The following BEX3 variants were observed in gnomAD, a reference collection of about 807,000 sequenced individuals.
The protein encoded by BEX3 is protein BEX3.
Under a neutral mutation model 6.1 loss-of-function variants are expected in BEX3, and 1 was observed. The observed-to-expected ratio is 0.16, with a 90% confidence interval of 0.06 to 0.78. The LOEUF is 0.78. Among genes scored for constraint, BEX3 ranks in the 30% least tolerant of loss-of-function variants. The pLI, the probability that BEX3 is intolerant of heterozygous loss-of-function variation, is 0.75. For synonymous variants in BEX3, 33 were observed against 25.2 expected (o/e 1.31, Z -0.93); for missense variants, 49 against 84.7 (o/e 0.58, Z 1.65).
intron 2 of BEX3, 123 bp from the exon 3 acceptor site, chrX:103,377,387 A>T: frequency 3.3e-6 from 3 of 915,608 alleles, no homozygotes; most frequent in Non-Finnish European, 4.5e-6. Flanking sequence ...CTTTGATATC[A>T]GGGCTCTGAA....
chrX:103,376,598 G>A lies in BEX3; in HGVS notation c.-107G>A. On this transcript the variant is annotated 5_prime_UTR_variant, in exon 1 of 3. Coordinates refer to ENST00000361298, the MANE Select transcript of BEX3 (RefSeq NM_206917.3). ...GCTCGGCGGGCTGGCATTCGGCCCGGGGAAAAGCGGAGCAGGTAAGGGCTC... is the reference window on the plus strand; with the variant it reads ...GCTCGGCGGGCTGGCATTCGGCCCGAGGAAAAGCGGAGCAGGTAAGGGCTC... The A allele has an allele frequency of 1.3e-6, 1 of 753,351 alleles. No individual in the cohort carries two copies. Among genetic ancestry groups the A allele is most frequent in the Non-Finnish European group, 1.6e-6 (1 of 638,409 alleles). The allele number at this position is 753,351 out of a possible 1,213,427, so 62.1% of individuals were successfully genotyped here. A position where few individuals can be genotyped will look rare whatever the true frequency, so the allele number is the denominator to read the frequency against.
intron 2 of BEX3, 176 bp from the exon 3 acceptor site, chrX:103,377,334 C>T: frequency 3.5e-6 from 2 of 569,620 alleles, no homozygotes; most frequent in South Asian, 3.6e-5. Context: ...CCGTAGAGGA[C>T]GCGCGGAACT....
intron 1 of BEX3, 172 bp downstream of exon 1, chrX:103,376,785 G>A (rs1927236424): frequency 1.6e-5 from 2 of 127,911 alleles, no homozygotes; most frequent in Admixed American, 9.5e-5. Context: ...GGTTTCCAGG[G>A]GCGGCAGAGC....
intron 2 of BEX3, 143 bp from the exon 3 acceptor site, chrX:103,377,367 T>C (rs1927264171): frequency 1.2e-6 from 1 of 835,409 alleles, no homozygotes; most frequent in African/African-American, 2.1e-5. Context: ...AAAAACGAAA[T>C]TAAAAAATCC....
At chrX:103,376,665 A>C in intron 1 of BEX3, 52 bp downstream of exon 1, 4 of 615,458 alleles carry the variant, frequency 6.5e-6, no homozygotes, top group Non-Finnish European at 7.8e-6. Context: ...CGGCTGACCG[A>C]CCTCGGCGAC....
At chrX:103,376,462 G>A (rs1412895835), upstream of BEX3, 1 of 749,536 alleles carries the variant, frequency 1.3e-6, no homozygotes. Flanking sequence ...CCAAGTTGGG[G>A]GGCGAGCTCG....
Position 103,377,880 on chromosome X carries a change from C to T in BEX3, c.*53C>T. 1 of 985,270 alleles carries T rather than the reference C, an allele frequency of 1.0e-6. No homozygotes were observed. 81.2% of individuals were successfully genotyped at this position (985,270 alleles called of 1,213,427 possible). Reference sequence around the variant, plus strand: ...CTGTGATTCCCGCTGTTTTCTTTTTCCTTGCATTTTCCTAATATGCCTTTA... The same window carrying T: ...CTGTGATTCCCGCTGTTTTCTTTTTTCTTGCATTTTCCTAATATGCCTTTA... On this transcript the variant is annotated 3_prime_UTR_variant, in exon 3 of 3. Transcript: ENST00000361298.
chrX:103,376,755 T>G, intron 1 of BEX3, 142 bp downstream of exon 1: 1 of 180,506 alleles, frequency 5.5e-6, no homozygotes, highest in African/African-American at 3.1e-5. Context: ...CCCCCAGGGA[T>G]GGGGAAGCAG....
At position 103,378,010 on chromosome X, in the gene BEX3, T is replaced by C; in HGVS notation, c.*183T>C. ...CCTTTGCACTCAGTGTAAGTTTCTG[T>C]CAGCAGTAGTTTCACCCATTTGCAT... On this transcript the variant is annotated 3_prime_UTR_variant, in exon 3 of 3. Transcript: ENST00000361298. 2.6e-6 allele frequency: 1 copy of C among 385,671 alleles called. No individual in the cohort carries two copies. The highest frequency in any genetic ancestry group is 4.5e-6 in the Non-Finnish European group (1 of 220,832). 31.8% of individuals were successfully genotyped at this position (385,671 alleles called of 1,213,427 possible).
chrX:103,377,895 A>G lies in BEX3; in HGVS notation c.*68A>G. The G allele has an allele frequency of 1.1e-6, 1 of 873,767 alleles. No homozygotes were observed. Among genetic ancestry groups the G allele is most frequent in the Non-Finnish European group, 1.6e-6 (1 of 612,509 alleles). The allele number at this position is 873,767 out of a possible 1,213,427, so 72.0% of individuals were successfully genotyped here. A position where few individuals can be genotyped will look rare whatever the true frequency, so the allele number is the denominator to read the frequency against. On this transcript the variant is annotated 3_prime_UTR_variant, in exon 3 of 3. Transcript: ENST00000361298. ...TTTTCTTTTTCCTTGCATTTTCCTAATATGCCTTTACTGATCCGTTTGCTG... is the reference window on the plus strand; with the variant it reads ...TTTTCTTTTTCCTTGCATTTTCCTAGTATGCCTTTACTGATCCGTTTGCTG...
chrX:103,377,416 C>T (rs768785786), intron 2 of BEX3, 94 bp from the exon 3 acceptor site: 358 of 1,055,620 alleles, frequency 3.4e-4, no homozygotes, highest in Non-Finnish European at 4.5e-4. Context: ...GTCAGAGCAC[C>T]AAGCATTCAG....
chrX:103,376,380 G>A (rs1473274831), upstream of BEX3: 1 of 659,073 alleles, frequency 1.5e-6, no homozygotes. Context: ...CGGGAGTAGG[G>A]AGGCTGTTTT....
In BEX3 at chrX:103,378,095, TA is replaced by T. The variant is rs1927293841; in HGVS notation, c.*273del. ...GCAATCTATACATTTATTGTCTCAT[TA>T]AAAATGTATACTTACATATAACAGA... On this transcript the variant is annotated 3_prime_UTR_variant, in exon 3 of 3. Coordinates refer to ENST00000361298, the MANE Select transcript of BEX3 (RefSeq NM_206917.3). 3 of 304,873 alleles carry T rather than the reference TA, an allele frequency of 9.8e-6. No homozygotes were observed. The highest frequency in any genetic ancestry group is 2.6e-4 in the South Asian group (2 of 7,585). 25.1% of individuals were successfully genotyped at this position (304,873 alleles called of 1,213,427 possible).
At chrX:103,377,283 T>G (rs1602996732) in intron 2 of BEX3, among the ~76,000 whole-genome samples, 177 bp downstream of exon 2, 1 of 104,680 alleles carries the variant, frequency 9.6e-6, no homozygotes, top group Non-Finnish European at 2.0e-5. Context: ...GGAAGGGAGG[T>G]AAGGGGAGAA....
At chrX:103,377,315 T>C (rs1927262213) in intron 2 of BEX3, 195 bp from the exon 3 acceptor site, 4 of 483,508 alleles carry the variant, frequency 8.3e-6, no homozygotes, top group African/African-American at 2.5e-5. Flanking sequence ...GGGGCTTTAA[T>C]TGGAGGCCCC....
chrX:103,377,017 C>T lies in BEX3; in HGVS notation c.-91-11C>T, dbSNP rs1236080002. 1 of 188,916 alleles carries T rather than the reference C, an allele frequency of 5.3e-6. No individual in the cohort carries two copies. The highest frequency in any genetic ancestry group is 8.0e-6 in the Non-Finnish European group (1 of 125,653). The allele number at this position is 188,916 out of a possible 1,213,427, so 15.6% of individuals were successfully genotyped here. ...CCACCCCCCACAACCCCCACCCCGG[C>T]TCGACTGCAGGTCTGCGAGGCTAAG... On this transcript the variant is annotated splice_polypyrimidine_tract_variant and intron_variant, in intron 1 of 2. Transcript: ENST00000361298.
Position 103,377,640 on chromosome X carries a change from C to T in BEX3, c.119C>T (p.Ala40Val). Residue 40 changes from alanine to valine, a missense_variant, in exon 3 of 3, where the codon GCC becomes GTC. By Grantham distance (64) the Ala-to-Val change is moderately conservative (BLOSUM62 0). Coordinates refer to ENST00000361298, the MANE Select transcript of BEX3 (RefSeq NM_206917.3). ...ARRLAPNFRW[A>V]IPNRQINDGM... ...CGACTTGCCCCTAATTTTCGATGGG[C>T]CATACCCAATAGGCAGATCAATGAT... The T allele has an allele frequency of 8.3e-7, 1 of 1,211,282 alleles. No individual in the cohort carries two copies. The highest frequency in any genetic ancestry group is 1.1e-6 in the Non-Finnish European group (1 of 895,389).
At position 103,377,926 on chromosome X, in the gene BEX3, C is replaced by A; in HGVS notation, c.*99C>A. 1.5e-6 allele frequency: 1 copy of A among 654,287 alleles called. No individual in the cohort carries two copies. The highest frequency in any genetic ancestry group is 2.3e-6 in the Non-Finnish European group (1 of 431,268). 53.9% of individuals were successfully genotyped at this position (654,287 alleles called of 1,213,427 possible). A position where few individuals can be genotyped will look rare whatever the true frequency, so the allele number is the denominator to read the frequency against. On this transcript the variant is annotated 3_prime_UTR_variant, in exon 3 of 3. Coordinates refer to ENST00000361298, the MANE Select transcript of BEX3 (RefSeq NM_206917.3). ...CTTTACTGATCCGTTTGCTGTGAAC[C>A]CTATGTTATTTCCATGTGTCAAGTG...
Position 103,377,876 on chromosome X carries a change from T to C in BEX3, c.*49T>C. On this transcript the variant is annotated 3_prime_UTR_variant, in exon 3 of 3. Coordinates refer to ENST00000361298, the MANE Select transcript of BEX3 (RefSeq NM_206917.3). ...AATACTGTGATTCCCGCTGTTTTCT[T>C]TTTCCTTGCATTTTCCTAATATGCC... 1 of 1,000,545 alleles carries C rather than the reference T, an allele frequency of 1.0e-6. No individual in the cohort carries two copies. The highest frequency in any genetic ancestry group is 2.3e-5 in the South Asian group (1 of 44,342). 82.5% of individuals were successfully genotyped at this position (1,000,545 alleles called of 1,213,427 possible).
Sources: allele counts gnomAD v4.1 joint callset (sites outside exome capture counted in the v4.1 genomes callset), GRCh38; gene constraint gnomAD v4.1.1; transcripts MANE v1.5; gene names NCBI Gene and HGNC (gene_info 2026-07-23, HGNC 2026-07-21).